USP24: variants seen among roughly 807,000 people sequenced by gnomAD.
USP24 encodes ubiquitin carboxyl-terminal hydrolase 24.
A neutral mutation model predicts 361.6 loss-of-function variants in USP24; 97 were observed. That is an observed-to-expected ratio of 0.27 (90% CI 0.23 to 0.32). The LOEUF (loss-of-function observed/expected upper bound fraction) is 0.32, where lower values mean the gene tolerates loss of function less well. USP24 is among the 10% of genes least tolerant of loss of function. The pLI is 1.00. For synonymous variants in USP24, 1,098 were observed against 1,124.6 expected (o/e 0.98, Z 0.47); for missense variants, 2,353 against 3,165.6 (o/e 0.74, Z 6.16).
chr1:55,187,744 C>T (rs1644172751), intron 1 of USP24, among the ~76,000 whole-genome samples: 1 of 152,034 alleles, frequency 6.6e-6, no homozygotes, highest in Admixed American at 6.6e-5. Context: ...GACTTGTACA[C>T]TGAAAACTAC....
chr1:55,185,753 G>A (rs1644113237), intron 1 of USP24, among the ~76,000 whole-genome samples: 1 of 149,550 alleles, frequency 6.7e-6, no homozygotes. Context: ...TTTTTTTGTA[G>A]AGACAGGGAC....
intron 28 of USP24, 125 bp from the exon 29 acceptor site, chr1:55,134,538 A>G: frequency 1.3e-6 from 1 of 784,588 alleles, no homozygotes. Context: ...AGCTTGAGGG[A>G]AGCACAGTGC....
At chr1:55,207,281 G>GA (rs71822893) in intron 1 of USP24, among the ~76,000 whole-genome samples, 113 of 133,140 alleles carry the variant, frequency 8.5e-4, no homozygotes, top group Admixed American at 9.2e-4. Flanking sequence ...ATGGAAAGGG[G>GA]AAAAAAAAAA....
intron 46 of USP24, 68 bp from the exon 47 acceptor site, chr1:55,098,152 C>T: frequency 6.9e-7 from 1 of 1,454,170 alleles, no homozygotes; most frequent in Non-Finnish European, 9.1e-7. Context: ...TATCATAATA[C>T]CTAAGCTTGA....
chr1:55,078,018 A>G (rs79497232), intron 61 of USP24, among the ~76,000 whole-genome samples: 10,256 of 152,258 alleles, frequency 0.067, 473 homozygotes, highest in African/African-American at 0.13. Flanking sequence ...AGGGCAAAAC[A>G]TATTATAATA....
intron 20 of USP24, 58 bp from the exon 21 acceptor site, chr1:55,144,261 G>T: frequency 8.5e-7 from 1 of 1,182,348 alleles, no homozygotes; most frequent in Non-Finnish European, 1.2e-6. Context: ...GATAATCAAT[G>T]AAAAGACTCA....
intron 1 of USP24, among the ~76,000 whole-genome samples, chr1:55,201,250 C>A (rs1644564354): frequency 6.6e-6 from 1 of 152,118 alleles, no homozygotes; most frequent in Non-Finnish European, 1.5e-5. Context: ...TTTAGTATCT[C>A]CTGTGTCAAG....
At position 55,154,115 on chromosome 1, in the gene USP24, C is replaced by T; in HGVS notation, c.1812+4G>A. The T allele has an allele frequency of 6.2e-7, 1 of 1,613,268 alleles. No individual in the cohort carries two copies. Among genetic ancestry groups the T allele is most frequent in the Non-Finnish European group, 8.5e-7 (1 of 1,179,538 alleles). On this transcript the variant is annotated splice_donor_region_variant and intron_variant, in intron 15 of 67. Coordinates refer to ENST00000294383, the MANE Select transcript of USP24 (RefSeq NM_015306.3). ...AACAAAATCAGATAAAAGCTGAAAC[C>T]AACCCTCTTAATATCTTCTATGCAC...
At chr1:55,089,539 T>G in intron 55 of USP24, 88 bp downstream of exon 55, 1 of 852,746 alleles carries the variant, frequency 1.2e-6, no homozygotes, top group East Asian at 2.7e-5. Context: ...TAATTTCAAG[T>G]TGAAATAAAA....
At position 55,080,516 on chromosome 1, in the gene USP24, T is replaced by C. The variant is rs1253122424; in HGVS notation, c.7078+806A>G. Among the ~76,000 whole-genome samples the C allele has an allele frequency of 5.3e-5, 8 of 152,296 alleles. No homozygotes were observed. In the South Asian group the frequency reaches 1.5e-3, roughly 28 times the overall value. ...ACCTTTCTGTGCCTTAGTTTTTGCA[T>C]CCATAGACAGGATGAATACTCCTCA... On this transcript the variant is annotated intron_variant, in intron 59 of 67. Transcript: ENST00000294383.
At chr1:55,074,227 T>C (rs555677769) in intron 63 of USP24, among the ~76,000 whole-genome samples, 6 of 152,184 alleles carry the variant, frequency 3.9e-5, no homozygotes, top group Admixed American at 1.3e-4. Context: ...CCTAGAGACT[T>C]TTCCACATAT....
chr1:55,107,046 T>C (rs1000646751), intron 40 of USP24, among the ~76,000 whole-genome samples, 193 bp downstream of exon 40: 1 of 152,238 alleles, frequency 6.6e-6, no homozygotes, highest in Admixed American at 6.5e-5. Flanking sequence ...AAATTCTCTA[T>C]GTTGTTTAAT....
At chr1:55,093,773 A>G (rs1272523586) in intron 52 of USP24, 164 bp downstream of exon 52, 1 of 936,660 alleles carries the variant, frequency 1.1e-6, no homozygotes. Context: ...CTCTAGCTCT[A>G]TGGCCCCCTC....
chr1:55,131,492 G>A (rs1364648015), intron 31 of USP24, among the ~76,000 whole-genome samples: 1 of 151,988 alleles, frequency 6.6e-6, no homozygotes, highest in African/African-American at 2.4e-5. Flanking sequence ...ATATAAATAA[G>A]GACATACTTA....
At position 55,070,654 on chromosome 1, in the gene USP24, C is replaced by T. The variant is rs140843939; in HGVS notation, c.7800+1160G>A. On this transcript the variant is annotated intron_variant, in intron 67 of 67. Transcript: ENST00000294383. ...GTTTAGAGAATTAGTCGAAGTTTGG[C>T]TGCAAAGAAGAGAAAAGAAGGCAGG... 7.9e-3 allele frequency among the ~76,000 whole-genome samples: 1,197 copies of T among 152,220 alleles called. 4 individuals are homozygous for T. The highest frequency in any genetic ancestry group is 0.02 in the Middle Eastern group (6 of 294).
intron 28 of USP24, among the ~76,000 whole-genome samples, chr1:55,136,430 G>A (rs557117395): frequency 1.3e-5 from 2 of 152,242 alleles, no homozygotes; most frequent in East Asian, 3.9e-4. Context: ...CACTCGGGCC[G>A]AGTGGTACAA....
chr1:55,177,924 A>G (rs376906735), intron 2 of USP24, 43 bp downstream of exon 2: 1 of 1,523,410 alleles, frequency 6.6e-7, no homozygotes. Flanking sequence ...CAGGCCTTCT[A>G]TGAAACAAAT....
At chr1:55,104,718 T>C (rs1490281458) in intron 41 of USP24, among the ~76,000 whole-genome samples, 1 of 152,118 alleles carries the variant, frequency 6.6e-6, no homozygotes, top group Admixed American at 6.5e-5. Flanking sequence ...ACTTAGGGAA[T>C]GTAGGAGGAG....
chr1:55,100,683 A>G (rs1285173637), intron 44 of USP24, among the ~76,000 whole-genome samples, 156 bp downstream of exon 44: 1 of 152,240 alleles, frequency 6.6e-6, no homozygotes, highest in African/African-American at 2.4e-5. Context: ...TTTGAAACCA[A>G]GTACCAATTT....
Sources: allele counts gnomAD v4.1 joint callset (sites outside exome capture counted in the v4.1 genomes callset), GRCh38; gene constraint gnomAD v4.1.1; transcripts MANE v1.5; gene names NCBI Gene and HGNC (gene_info 2026-07-23, HGNC 2026-07-21).